The following GRIP1 variants were observed in gnomAD, a reference collection of about 807,000 sequenced individuals.
GRIP1 encodes the protein glutamate receptor-interacting protein 1.
In GRIP1, 45 loss-of-function variants were observed where a neutral mutation model predicts 129.9. That is an observed-to-expected ratio of 0.35 (90% CI 0.27 to 0.44). GRIP1 has a LOEUF of 0.44. Among genes scored for constraint, GRIP1 ranks in the 20% least tolerant of loss-of-function variants. GRIP1 has a pLI of 1.00. For missense variants in GRIP1, 1,196 were observed against 1,396.8 expected (o/e 0.86, Z 2.29); for synonymous variants, 530 against 520.8 (o/e 1.02, Z -0.24).
At chr12:66,922,917 C>A (rs896466898) in intron 1 of GRIP1, among the ~76,000 whole-genome samples, 1 of 152,148 alleles carries the variant, frequency 6.6e-6, no homozygotes. Flanking sequence ...GCTGAATGCA[C>A]TATACATTAA....
intron 1 of GRIP1, among the ~76,000 whole-genome samples, chr12:66,601,304 C>T (rs995793457): frequency 6.6e-6 from 1 of 152,182 alleles, no homozygotes; most frequent in Non-Finnish European, 1.5e-5. Context: ...CTTCACTCTG[C>T]ATCACAAACT....
chr12:66,455,709 C>A, intron 10 of GRIP1, 145 bp from the exon 11 acceptor site: 3 of 735,756 alleles, frequency 4.1e-6, no homozygotes, highest in Non-Finnish European at 7.2e-6. Context: ...GGCCAGCTCT[C>A]AGGAGCATGA....
chr12:66,926,762 A>G (rs999281839), intron 1 of GRIP1, among the ~76,000 whole-genome samples: 2 of 152,246 alleles, frequency 1.3e-5, no homozygotes, highest in African/African-American at 4.8e-5. Flanking sequence ...TCAGCATGGA[A>G]TAGTGAGACA....
intron 1 of GRIP1, among the ~76,000 whole-genome samples, chr12:66,733,964 T>A (rs1734873394): frequency 6.6e-6 from 1 of 152,022 alleles, no homozygotes; most frequent in African/African-American, 2.4e-5. Context: ...TAAACATGGA[T>A]GCTTATTGCT....
chr12:66,805,125 CAA>C (rs2038962601), upstream of GRIP1, among the ~76,000 whole-genome samples: 1 of 152,066 alleles, frequency 6.6e-6, no homozygotes, highest in Non-Finnish European at 1.5e-5. Flanking sequence ...AGACTGAACT[CAA>C]ATATAAACCT....
At chr12:66,486,396 GT>G (rs2138622031) in intron 7 of GRIP1, among the ~76,000 whole-genome samples, 1 of 152,182 alleles carries the variant, frequency 6.6e-6, no homozygotes, top group Admixed American at 6.5e-5. Context: ...AGGTGATATG[GT>G]TTGGCTCTGT....
chr12:66,729,950 G>A (rs2036380968), intron 1 of GRIP1, among the ~76,000 whole-genome samples: 1 of 152,102 alleles, frequency 6.6e-6, no homozygotes, highest in South Asian at 2.1e-4. Context: ...ATATCTTAAG[G>A]AAAATTGTAT....
chr12:66,683,611 G>A (rs2034668402), upstream of GRIP1, among the ~76,000 whole-genome samples: 1 of 152,148 alleles, frequency 6.6e-6, no homozygotes, highest in African/African-American at 2.4e-5. Context: ...GTAGCTCAGG[G>A]CCTCTGGTGT....
chr12:66,769,752 T>C (rs1384465061), intron 1 of GRIP1, among the ~76,000 whole-genome samples: 1 of 152,180 alleles, frequency 6.6e-6, no homozygotes, highest in East Asian at 1.9e-4. Context: ...TTTGCAATAT[T>C]TGTAATGTCT....
intron 1 of GRIP1, among the ~76,000 whole-genome samples, chr12:66,623,094 C>A (rs995313929): frequency 6.6e-6 from 1 of 151,866 alleles, no homozygotes; most frequent in African/African-American, 2.4e-5. Context: ...AGGTAACTGC[C>A]GAATGAATGA....
chr12:66,422,965 C>T (rs2057860670), intron 14 of GRIP1, among the ~76,000 whole-genome samples: 1 of 152,154 alleles, frequency 6.6e-6, no homozygotes, highest in Admixed American at 6.6e-5. Context: ...TATCCTAGCC[C>T]CATGTTTTAA....
At chr12:66,992,398 C>T (rs938571624) in intron 1 of GRIP1, among the ~76,000 whole-genome samples, 7 of 151,718 alleles carry the variant, frequency 4.6e-5, no homozygotes, top group African/African-American at 1.7e-4. Context: ...TTTTTAAATA[C>T]AATTCCAATA....
intron 7 of GRIP1, among the ~76,000 whole-genome samples, chr12:66,490,664 A>T (rs1014361433): frequency 6.6e-6 from 1 of 152,352 alleles, no homozygotes; most frequent in East Asian, 1.9e-4. Context: ...AGCTATCATC[A>T]GAGTGAAAAG....
In GRIP1 at chr12:67,006,920, A is replaced by G. The variant is rs114244215; in HGVS notation, c.58+62130T>C. 2.5e-3 allele frequency among the ~76,000 whole-genome samples: 375 copies of G among 152,376 alleles called. 3 individuals are homozygous for G. The highest frequency in any genetic ancestry group is 8.7e-3 in the African/African-American group (363 of 41,598). On this transcript the variant is annotated intron_variant, in intron 1 of 1. Coordinates refer to the GRIP1 transcript ENST00000643019. ...TCAGAGCTTAAGTAGAGTTTGGCCA[A>G]TCACTGCTCACCTTCAGTTTCCCTT...
chr12:66,686,196 C>T (rs1003572370), intron 1 of GRIP1, among the ~76,000 whole-genome samples: 5 of 152,138 alleles, frequency 3.3e-5, no homozygotes, highest in Non-Finnish European at 5.9e-5. Flanking sequence ...CAGAGCACAC[C>T]TCAGATTCAT....
At chr12:66,517,162 CA>C (rs1565817716) in intron 6 of GRIP1, among the ~76,000 whole-genome samples, 2 of 152,136 alleles carry the variant, frequency 1.3e-5, no homozygotes, top group Non-Finnish European at 2.9e-5. Context: ...TCCCCTTCAA[CA>C]ATCTCTAATG....
chr12:66,501,132 GT>G (rs2060381059), intron 7 of GRIP1, among the ~76,000 whole-genome samples: 1 of 152,170 alleles, frequency 6.6e-6, no homozygotes, highest in Admixed American at 6.5e-5. Context: ...TCTCACAGGT[GT>G]ATCTAGGAGT....
chr12:67,057,300 C>T (rs1406836803), intron 1 of GRIP1, among the ~76,000 whole-genome samples: 1 of 152,034 alleles, frequency 6.6e-6, no homozygotes, highest in Non-Finnish European at 1.5e-5. Flanking sequence ...TCACTCCCCT[C>T]CCCGCTCTCT....
chr12:66,539,459 C>A (rs2061703822), intron 3 of GRIP1, among the ~76,000 whole-genome samples: 1 of 151,490 alleles, frequency 6.6e-6, no homozygotes, highest in Non-Finnish European at 1.5e-5. Context: ...TTTGGAAGTC[C>A]TGCTCTGATT....
Sources: allele counts gnomAD v4.1 joint callset (sites outside exome capture counted in the v4.1 genomes callset), GRCh38; gene constraint gnomAD v4.1.1; transcripts MANE v1.5; gene names NCBI Gene and HGNC (gene_info 2026-07-23, HGNC 2026-07-21).